The following TBC1D32 variants were observed in gnomAD, a reference collection of about 807,000 sequenced individuals.
TBC1D32 encodes protein broad-minded.
TBC1D32 carries 151 observed loss-of-function variants against 170.3 expected under a neutral mutation model. That is an observed-to-expected ratio of 0.89 (90% CI 0.78 to 1.01). The LOEUF (loss-of-function observed/expected upper bound fraction) is 1.01, where lower values mean the gene tolerates loss of function less well. TBC1D32 is among the 50% of genes least tolerant of loss of function. The probability of loss-of-function intolerance (pLI) is 0.00; values close to 1 mark genes in which losing one functional copy is unlikely to be tolerated. For synonymous variants in TBC1D32, 498 were observed against 488.0 expected, an observed-to-expected ratio of 1.02 and a Z score of -0.27; for missense variants, 1,464 against 1,457.1, an observed-to-expected ratio of 1.00 and a Z score of -0.08.
chr6:121,195,744 C>T (rs1427417639), intron 22 of TBC1D32, among the ~76,000 whole-genome samples: 1 of 152,162 alleles, frequency 6.6e-6, no homozygotes, highest in African/African-American at 2.4e-5. Context: ...GGGCCTGGTT[C>T]ACAGATGGTT....
Position 121,160,087 on chromosome 6 carries a change from G to T in TBC1D32, c.2696C>A (p.Pro899His), listed in dbSNP as rs1209085414. 6.2e-7 allele frequency: 1 copy of T among 1,602,012 alleles called. No homozygotes were observed. Among genetic ancestry groups the T allele is most frequent in the Non-Finnish European group, 8.5e-7 (1 of 1,170,842 alleles). Residue 899 changes from proline to histidine, a missense_variant, in exon 24 of 32, where the codon CCT becomes CAT. This residue lies in a region of TBC1D32 where 1,363 missense variants were observed against 1,338.1 expected (regional missense o/e 1.02). Coordinates refer to ENST00000398212, the MANE Select transcript of TBC1D32 (RefSeq NM_152730.6). Reference protein sequence around the residue: ...RLLEKSDNPYPWPMFSSYPLP... With the variant: ...RLLEKSDNPYHWPMFSSYPLP... ...TGGATATGATGAAAACATTGGCCAA[G>T]GATATGGATTATCACTCTAAAAAAG...
chr6:121,177,487 C>T (rs1787934638), intron 22 of TBC1D32, among the ~76,000 whole-genome samples: 1 of 152,130 alleles, frequency 6.6e-6, no homozygotes, highest in African/African-American at 2.4e-5. Flanking sequence ...AATTAAACCT[C>T]TTTTCTTCAT....
chr6:121,152,815 T>C (rs1381848603), intron 24 of TBC1D32, among the ~76,000 whole-genome samples: 1 of 152,174 alleles, frequency 6.6e-6, no homozygotes, highest in Non-Finnish European at 1.5e-5. Context: ...TTGTGTATGC[T>C]TCACAATTTT....
At chr6:121,270,482 C>A (rs368642602) in intron 15 of TBC1D32, among the ~76,000 whole-genome samples, 2 of 152,090 alleles carry the variant, frequency 1.3e-5, no homozygotes, top group Non-Finnish European at 2.9e-5. Flanking sequence ...ACTATAAACA[C>A]CTCTACGCAA....
At chr6:121,287,404 A>T (rs551449117) in intron 12 of TBC1D32, among the ~76,000 whole-genome samples, 1 of 152,106 alleles carries the variant, frequency 6.6e-6, no homozygotes, top group African/African-American at 2.4e-5. Context: ...AAGAGACAAA[A>T]AAGGCCATTA....
At chr6:121,291,569 G>T (rs1259575340) in intron 12 of TBC1D32, among the ~76,000 whole-genome samples, 1 of 152,098 alleles carries the variant, frequency 6.6e-6, no homozygotes, top group Non-Finnish European at 1.5e-5. Flanking sequence ...AAGTAAATGA[G>T]ACTTAGGGTA....
chr6:121,236,214 C>T (rs1796315277), intron 20 of TBC1D32, among the ~76,000 whole-genome samples: 1 of 151,360 alleles, frequency 6.6e-6, no homozygotes, highest in South Asian at 2.1e-4. Flanking sequence ...AAGTACTGTC[C>T]AATAGAACTT....
At chr6:121,278,038 T>C (rs919674424) in intron 15 of TBC1D32, among the ~76,000 whole-genome samples, 1 of 152,130 alleles carries the variant, frequency 6.6e-6, no homozygotes, top group African/African-American at 2.4e-5. Context: ...TTGAAAGACA[T>C]ATTTTGCCAA....
chr6:121,181,633 G>A (rs1016678823), intron 22 of TBC1D32, among the ~76,000 whole-genome samples: 6 of 151,932 alleles, frequency 3.9e-5, no homozygotes, highest in Non-Finnish European at 8.8e-5. Context: ...GGGTATATAT[G>A]CAAAGAAGAG....
At chr6:121,161,950 T>C (rs781084509) in intron 22 of TBC1D32, among the ~76,000 whole-genome samples, 14 of 152,248 alleles carry the variant, frequency 9.2e-5, no homozygotes, top group Non-Finnish European at 2.1e-4. Context: ...TAAACTTTTT[T>C]TCATATGTTT....
intron 20 of TBC1D32, among the ~76,000 whole-genome samples, chr6:121,238,392 T>C (rs185719270): frequency 6.6e-6 from 1 of 152,278 alleles, no homozygotes; most frequent in East Asian, 1.9e-4. Context: ...CCAGAATTTG[T>C]GTTTTCTATG....
intron 6 of TBC1D32, 47 bp downstream of exon 6, chr6:121,304,708 T>C (rs367710390): frequency 1.8e-5 from 28 of 1,524,242 alleles, no homozygotes; most frequent in African/African-American, 5.6e-5. Context: ...CATTCTTAAG[T>C]ACATGCAAAT....
intron 15 of TBC1D32, among the ~76,000 whole-genome samples, chr6:121,265,006 G>A (rs908463540): frequency 1.3e-5 from 2 of 152,124 alleles, no homozygotes; most frequent in Non-Finnish European, 2.9e-5. Flanking sequence ...ACCAGCAAAA[G>A]ACAAGGATGC....
intron 16 of TBC1D32, 73 bp downstream of exon 16, chr6:121,256,011 A>G (rs1277888062): frequency 1.5e-6 from 2 of 1,306,288 alleles, no homozygotes; most frequent in Admixed American, 2.3e-5. Context: ...CATCCAAAGT[A>G]CAACACTATA....
chr6:121,226,680 G>A (rs1009555477), intron 20 of TBC1D32, among the ~76,000 whole-genome samples: 1 of 152,086 alleles, frequency 6.6e-6, no homozygotes, highest in Admixed American at 6.6e-5. Context: ...AGTGTTCGGG[G>A]AATACATGTC....
At chr6:121,138,914 G>A (rs1022143116) in intron 24 of TBC1D32, among the ~76,000 whole-genome samples, 4 of 150,436 alleles carry the variant, frequency 2.7e-5, no homozygotes, top group Non-Finnish European at 5.9e-5. Flanking sequence ...GAGCAATCTC[G>A]GCTCACTGCA....
intron 21 of TBC1D32, among the ~76,000 whole-genome samples, chr6:121,207,317 T>C (rs911463463): frequency 3.3e-5 from 5 of 152,176 alleles, no homozygotes; most frequent in African/African-American, 1.2e-4. Flanking sequence ...TTGAATATAA[T>C]GCAGAGCTCA....
chr6:121,307,154 C>T lies in TBC1D32; in HGVS notation c.690+822G>A, dbSNP rs187700001. Among the ~76,000 whole-genome samples, 125 of 151,848 alleles carry T rather than the reference C, an allele frequency of 8.2e-4. 1 individual carries two copies. The highest frequency in any genetic ancestry group is 3.4e-3 in the Middle Eastern group (1 of 294). ...CTTTGGGAGGCTGAGGCTGGAGGAT[C>T]GCTTGAGCCCAGGAGTTCAAGACCA... On this transcript the variant is annotated intron_variant, in intron 5 of 31. Coordinates refer to ENST00000398212, the MANE Select transcript of TBC1D32 (RefSeq NM_152730.6).
intron 22 of TBC1D32, among the ~76,000 whole-genome samples, chr6:121,179,716 T>G (rs980380660): frequency 6.6e-6 from 1 of 152,164 alleles, no homozygotes; most frequent in Non-Finnish European, 1.5e-5. Context: ...GTACAAAATA[T>G]TTGTGCAGAA....
Sources: gnomAD v4.1 joint callset for allele counts (sites outside exome capture counted in the v4.1 genomes callset) on GRCh38, gnomAD v4.1.1 for gene constraint, gnomAD v4.1.1 regional missense constraint, MANE v1.5 for transcripts, NCBI Gene and HGNC (gene_info 2026-07-23, HGNC 2026-07-21) for gene names.